Variants in ZNF131 observed in about 807,000 individuals in gnomAD.
ZNF131 encodes the protein zinc finger and BTB domain containing 35.
A neutral mutation model predicts 60.0 loss-of-function variants in ZNF131; 7 were observed. That is an observed-to-expected ratio of 0.12 (90% CI 0.07 to 0.22). The LOEUF (loss-of-function observed/expected upper bound fraction) is 0.22, where lower values mean the gene tolerates loss of function less well. ZNF131 is among the 10% of genes least tolerant of loss of function. The pLI is 1.00. For missense variants in ZNF131, 493 were observed against 740.9 expected (o/e 0.67, Z 3.88); for synonymous variants, 257 against 253.2 (o/e 1.01, Z -0.14).
At chr5:43,162,152 G>A (rs557482820) in intron 5 of ZNF131, among the ~76,000 whole-genome samples, 8 of 152,040 alleles carry the variant, frequency 5.3e-5, no homozygotes, top group Admixed American at 3.3e-4. Context: ...TTTATGCCTT[G>A]CCCAATTTTT....
chr5:43,148,606 T>C (rs1747914230), intron 4 of ZNF131, among the ~76,000 whole-genome samples: 1 of 152,232 alleles, frequency 6.6e-6, no homozygotes. Context: ...AGTATGTAAA[T>C]GAATGGGTGT....
In ZNF131 at chr5:43,175,200, T is replaced by C; in HGVS notation, c.*67T>C. The stretch of plus-strand genomic sequence containing the variant: ...TTGAACTGATTATGGGCAGTTTGAC[T>C]GTCCTTAATTAAGCCTAACAGACAA... On this transcript the variant is annotated 3_prime_UTR_variant, in exon 7 of 7. Transcript: ENST00000682664. 6.9e-7 allele frequency: 1 copy of C among 1,439,140 alleles called. No homozygotes were observed. Among genetic ancestry groups the C allele is most frequent in the African/African-American group, 1.5e-5 (1 of 67,066 alleles). The allele number at this position is 1,439,140 out of a possible 1,614,324, so 89.1% of individuals were successfully genotyped here.
chr5:43,158,433 G>T (rs1561431737), intron 4 of ZNF131, among the ~76,000 whole-genome samples: 1 of 152,040 alleles, frequency 6.6e-6, no homozygotes. Flanking sequence ...GGGATTACAG[G>T]CATGTGCCAC....
chr5:43,128,656 CAAAA>C (rs1170687481), intron 3 of ZNF131, among the ~76,000 whole-genome samples: 4 of 70,110 alleles, frequency 5.7e-5, no homozygotes, highest in Non-Finnish European at 1.1e-4. Context: ...GACTCCATCT[CAAAA>C]AAAAAAAAAA....
chr5:43,144,778 G>A (rs1280826474), intron 4 of ZNF131, among the ~76,000 whole-genome samples: 4 of 151,922 alleles, frequency 2.6e-5, no homozygotes, highest in Admixed American at 2.0e-4. Context: ...AGTGGTACAC[G>A]TAAAGCTCTT....
At chr5:43,158,018 G>A (rs1304012135) in intron 4 of ZNF131, among the ~76,000 whole-genome samples, 3 of 152,228 alleles carry the variant, frequency 2.0e-5, no homozygotes, top group Non-Finnish European at 2.9e-5. Context: ...GCCCAGGCTG[G>A]AGTGCAGTGG....
At chr5:43,151,375 TC>T (rs2111742768) in intron 4 of ZNF131, among the ~76,000 whole-genome samples, 1 of 152,334 alleles carries the variant, frequency 6.6e-6, no homozygotes, top group Admixed American at 6.5e-5. Flanking sequence ...TGCTTGATCT[TC>T]CTTAAACACT....
chr5:43,172,281 A>G (rs1402438557), intron 5 of ZNF131, among the ~76,000 whole-genome samples: 1 of 152,168 alleles, frequency 6.6e-6, no homozygotes, highest in Non-Finnish European at 1.5e-5. Flanking sequence ...TTATCATACA[A>G]CATACTCAGA....
At chr5:43,133,373 G>T (rs1482204492) in intron 3 of ZNF131, among the ~76,000 whole-genome samples, 1 of 152,174 alleles carries the variant, frequency 6.6e-6, no homozygotes. Context: ...CCTGAGGCAG[G>T]AGAATCGTTT....
At chr5:43,156,606 C>A (rs1295427025) in intron 4 of ZNF131, among the ~76,000 whole-genome samples, 2 of 152,196 alleles carry the variant, frequency 1.3e-5, no homozygotes, top group Non-Finnish European at 2.9e-5. Context: ...GTAACGTCAT[C>A]CCTGCTGACA....
rs141334481 is a variant in ZNF131 at position 43,150,789 on chromosome 5, A to G, written c.372-10460A>G. ...TGAAACTCTGTCCCAAAAACAAACA[A>G]AAAACACAGGGACCAGGACCTAATC... On this transcript the variant is annotated intron_variant, in intron 4 of 6. Transcript: ENST00000682664. Among the ~76,000 whole-genome samples the G allele has an allele frequency of 8.7e-3, 1,316 of 152,052 alleles. 15 individuals are homozygous for G. Among genetic ancestry groups the G allele is most frequent in the Middle Eastern group, 0.027 (8 of 292 alleles).
intron 4 of ZNF131, among the ~76,000 whole-genome samples, chr5:43,147,495 G>T (rs905952466): frequency 6.6e-6 from 1 of 151,480 alleles, no homozygotes; most frequent in Non-Finnish European, 1.5e-5. Context: ...TCGGCTCACT[G>T]CGAGCTCCGC....
chr5:43,168,013 A>C, intron 5 of ZNF131: 2 of 446,630 alleles, frequency 4.5e-6, no homozygotes, highest in Non-Finnish European at 9.0e-6. Flanking sequence ...TCCTGAGGCC[A>C]TGCAGGGCAT....
intron 4 of ZNF131, among the ~76,000 whole-genome samples, chr5:43,159,003 T>C (rs1749307991): frequency 6.6e-6 from 1 of 152,242 alleles, no homozygotes; most frequent in Non-Finnish European, 1.5e-5. Flanking sequence ...AAGGACCTTA[T>C]TACTCTCTAC....
intron 5 of ZNF131, 120 bp downstream of exon 5, chr5:43,162,051 G>A (rs1256148511): frequency 8.7e-6 from 8 of 922,054 alleles, no homozygotes; most frequent in Non-Finnish European, 9.6e-6. Context: ...TCTCTAATGT[G>A]TAGGCTAAGT....
At position 43,175,028 on chromosome 5, in the gene ZNF131, G is replaced by A. The variant is rs368598088; in HGVS notation, c.1767G>A (p.Arg589=). 51 of 1,614,000 alleles carry A rather than the reference G, an allele frequency of 3.2e-5. No homozygotes were observed. Among genetic ancestry groups the A allele is most frequent in the Non-Finnish European group, 4.1e-5 (48 of 1,180,018 alleles). Residue 589 remains arginine (R), a synonymous_variant, in exon 7 of 7, where the codon AGG becomes AGA. Coordinates refer to ENST00000682664, the MANE Select transcript of ZNF131 (RefSeq NM_001330707.2). ...AAGCAGATGCTGCTGAGGCTGCCAGGGAAGATCACGAAGATGCTGAGGATT... is the reference window on the plus strand; with the variant it reads ...AAGCAGATGCTGCTGAGGCTGCCAGAGAAGATCACGAAGATGCTGAGGATT... ...SSQADAAEAA[R]EDHEDAEDLE...
chr5:43,125,818 A>G (rs2112118826), intron 3 of ZNF131, among the ~76,000 whole-genome samples: 1 of 152,118 alleles, frequency 6.6e-6, no homozygotes, highest in South Asian at 2.1e-4. Context: ...AAGCTGGAAT[A>G]TTTGTTGCTG....
chr5:43,174,914 G>T lies in ZNF131; in HGVS notation c.1653G>T (p.Met551Ile). 15 of 1,614,168 alleles carry T rather than the reference G, an allele frequency of 9.3e-6. No individual in the cohort carries two copies. The highest frequency in any genetic ancestry group is 1.3e-5 in the Non-Finnish European group (15 of 1,180,034). ...TGCATGTTGAACGGGTCAATCAAAT[G>T]CCAGTGGAAGTACAAACTGAACTTC... ...EELHVERVNQ[M>I]PVEVQTELLE... is the part of the protein sequence containing the mutation. The change falls in exon 7 of 7, where the codon ATG becomes ATT. Residue 551 changes from methionine (M) to isoleucine (I), a missense_variant. By Grantham distance (10) the Met-to-Ile change is conservative (BLOSUM62 1). Around this residue, in one of 7 missense-constraint regions of ZNF131, gnomAD observed 202 missense variants for 221.3 expected, o/e 0.91. Transcript: ENST00000682664.
At position 43,161,726 on chromosome 5, in the gene ZNF131, C is replaced by T; in HGVS notation, c.849C>T (p.His283=). The change falls in exon 5 of 7, where the codon CAC becomes CAT. Residue 283 remains histidine (H), a synonymous_variant. Coordinates refer to ENST00000682664, the MANE Select transcript of ZNF131 (RefSeq NM_001330707.2). The part of the protein sequence containing the change: ...FYHFKEHMKS[H]STESFKCEIC... ...ATTTTAAGGAGCACATGAAATCACA[C>T]TCCACTGAGAGTTTCAAGTGTGAAA... 6.2e-7 allele frequency: 1 copy of T among 1,614,228 alleles called. No homozygotes were observed. Among genetic ancestry groups the T allele is most frequent in the Non-Finnish European group, 8.5e-7 (1 of 1,180,028 alleles).
Sources: gnomAD v4.1 joint callset for allele counts (sites outside exome capture counted in the v4.1 genomes callset) on GRCh38, gnomAD v4.1.1 for gene constraint, gnomAD v4.1.1 regional missense constraint, MANE v1.5 for transcripts, NCBI Gene and HGNC (gene_info 2026-07-23, HGNC 2026-07-21) for gene names.